The following ASCC1 variants were observed in gnomAD, a reference collection of about 807,000 sequenced individuals.
The protein encoded by ASCC1 is activating signal cointegrator 1 complex subunit 1.
Under a neutral mutation model 46.6 loss-of-function variants are expected in ASCC1, and 35 were observed. That is an observed-to-expected ratio of 0.75 (90% CI 0.57 to 0.99). The LOEUF is 0.99. Among genes scored for constraint, ASCC1 ranks in the 50% least tolerant of loss-of-function variants. The pLI, the probability that ASCC1 is intolerant of heterozygous loss-of-function variation, is 0.00. For missense variants in ASCC1, 376 were observed against 428.7 expected, an observed-to-expected ratio of 0.88 and a Z score of 1.09; for synonymous variants, 143 against 146.6, an observed-to-expected ratio of 0.98 and a Z score of 0.18.
At chr10:72,133,333 A>C in intron 7 of ASCC1, 152 bp from the exon 8 acceptor site, 1 of 721,998 alleles carries the variant, frequency 1.4e-6, no homozygotes, top group Non-Finnish European at 2.4e-6. Context: ...CTCATCTCCC[A>C]CCATCATGGA....
At chr10:72,123,792 C>T (rs1245579) in intron 9 of ASCC1, among the ~76,000 whole-genome samples, 78,861 of 151,954 alleles carry the variant, frequency 0.52, 22,889 homozygotes, top group African/African-American at 0.79. Context: ...TCCCTTAGGA[C>T]AGACTGACTA....
At chr10:72,110,758 G>A (rs1842839854) in intron 9 of ASCC1, among the ~76,000 whole-genome samples, 1 of 152,232 alleles carries the variant, frequency 6.6e-6, no homozygotes, top group African/African-American at 2.4e-5. Context: ...TTGCACTCCA[G>A]TCTGGGTGAT....
At chr10:72,173,640 T>C (rs1324871490) in intron 5 of ASCC1, among the ~76,000 whole-genome samples, 3 of 152,228 alleles carry the variant, frequency 2.0e-5, no homozygotes, top group Non-Finnish European at 4.4e-5. Flanking sequence ...CACAATGCCA[T>C]CTACCAAGAG....
At chr10:72,158,348 G>A (rs1435287892) in intron 6 of ASCC1, among the ~76,000 whole-genome samples, 5 of 152,082 alleles carry the variant, frequency 3.3e-5, no homozygotes, top group African/African-American at 9.7e-5. Flanking sequence ...TTGGTTTGAC[G>A]TCAGGCCTGC....
At chr10:72,108,312 A>C (rs1235612354) in intron 9 of ASCC1, among the ~76,000 whole-genome samples, 1 of 152,000 alleles carries the variant, frequency 6.6e-6, no homozygotes, top group East Asian at 1.9e-4. Context: ...CCTGGGCTCA[A>C]GTGATCCTCC....
At chr10:72,114,080 G>A (rs183634023) in intron 9 of ASCC1, among the ~76,000 whole-genome samples, 1 of 152,262 alleles carries the variant, frequency 6.6e-6, no homozygotes, top group East Asian at 1.9e-4. Flanking sequence ...CAAAATCACT[G>A]TCCATGTTTC....
chr10:72,112,599 C>T lies in ASCC1; in HGVS notation c.958-15149G>A, dbSNP rs940857857. Among the ~76,000 whole-genome samples, 7 of 152,158 alleles carry T rather than the reference C, an allele frequency of 4.6e-5. No individual in the cohort carries two copies. In the South Asian group the frequency reaches 1.0e-3, roughly 23 times the overall value. On this transcript the variant is annotated intron_variant, in intron 9 of 9. Transcript: ENST00000672957. ...ATTTTACCACAATTTAAAAAAACAA[C>T]GGCCGGGTGCAGTGGCTCACACCTG...
At chr10:72,104,129 G>T (rs1842094854) in intron 9 of ASCC1, among the ~76,000 whole-genome samples, 1 of 152,102 alleles carries the variant, frequency 6.6e-6, no homozygotes, top group Non-Finnish European at 1.5e-5. Flanking sequence ...TTCACACCCA[G>T]ACAGCCTCAC....
chr10:72,124,425 A>T (rs1472631547), intron 9 of ASCC1, among the ~76,000 whole-genome samples: 1 of 152,158 alleles, frequency 6.6e-6, no homozygotes, highest in Non-Finnish European at 1.5e-5. Context: ...ACCTTCTCTG[A>T]TGAGTACAAC....
chr10:72,102,606 CT>C (rs902963314), intron 9 of ASCC1, among the ~76,000 whole-genome samples: 3 of 152,090 alleles, frequency 2.0e-5, no homozygotes, highest in African/African-American at 7.3e-5. Context: ...ACCATGTCAA[CT>C]TTAATTTTTA....
intron 4 of ASCC1, among the ~76,000 whole-genome samples, chr10:72,197,249 A>G (rs948078447): frequency 8.5e-5 from 13 of 152,058 alleles, no homozygotes; most frequent in Non-Finnish European, 8.8e-5. Context: ...AGACAGGTGG[A>G]TCACGAGGTC....
chr10:72,155,182 A>G (rs1485767652), intron 6 of ASCC1, among the ~76,000 whole-genome samples: 1 of 152,230 alleles, frequency 6.6e-6, no homozygotes, highest in Non-Finnish European at 1.5e-5. Context: ...AGAGGAAAGC[A>G]GGTGGCTGAT....
intron 9 of ASCC1, among the ~76,000 whole-genome samples, chr10:72,114,619 G>A (rs1280670461): frequency 1.7e-4 from 18 of 103,782 alleles, no homozygotes; most frequent in African/African-American, 6.3e-4. Flanking sequence ...GTGAGACTCC[G>A]TCTCAAAAAA....
intron 4 of ASCC1, among the ~76,000 whole-genome samples, chr10:72,201,524 A>C (rs2133357819): frequency 6.6e-6 from 1 of 152,086 alleles, no homozygotes; most frequent in Non-Finnish European, 1.5e-5. Flanking sequence ...ATCTCTACAA[A>C]AAGTATTAAA....
At chr10:72,114,265 G>A (rs1313916591) in intron 9 of ASCC1, among the ~76,000 whole-genome samples, 2 of 152,220 alleles carry the variant, frequency 1.3e-5, no homozygotes, top group African/African-American at 4.8e-5. Context: ...GAAAGATTGT[G>A]AGTATGAGCT....
intron 4 of ASCC1, among the ~76,000 whole-genome samples, chr10:72,197,587 A>G (rs868097168): frequency 6.6e-6 from 1 of 152,052 alleles, no homozygotes; most frequent in Non-Finnish European, 1.5e-5. Context: ...TGTAGTCACT[A>G]TGAAAAAGTT....
At chr10:72,137,341 A>C (rs1403171727) in intron 7 of ASCC1, among the ~76,000 whole-genome samples, 1 of 152,104 alleles carries the variant, frequency 6.6e-6, no homozygotes, top group Non-Finnish European at 1.5e-5. Context: ...AGCCTGGCCA[A>C]CATGGTGAAA....
chr10:72,171,580 C>T (rs1275539097), intron 5 of ASCC1, among the ~76,000 whole-genome samples: 1 of 152,180 alleles, frequency 6.6e-6, no homozygotes. Context: ...GCACCCGCCA[C>T]CATGTCCAGC....
chr10:72,154,770 G>A (rs796749765), intron 6 of ASCC1, among the ~76,000 whole-genome samples: 1 of 152,134 alleles, frequency 6.6e-6, no homozygotes, highest in Non-Finnish European at 1.5e-5. Context: ...GGGATTACAG[G>A]CGTGAGCCAC....
Sources: allele counts gnomAD v4.1 joint callset (sites outside exome capture counted in the v4.1 genomes callset), GRCh38; gene constraint gnomAD v4.1.1; transcripts MANE v1.5; gene names NCBI Gene and HGNC (gene_info 2026-07-23, HGNC 2026-07-21).